MAP4K4: variants seen among roughly 807,000 people sequenced by gnomAD.
MAP4K4 encodes HPK/GCK-like kinase HGK.
MAP4K4 carries 38 observed loss-of-function variants against 189.6 expected under a neutral mutation model. That is an observed-to-expected ratio of 0.20 (90% confidence interval 0.15 to 0.26). The LOEUF is 0.26. Among genes scored for constraint, MAP4K4 ranks in the 10% least tolerant of loss-of-function variants. MAP4K4 has a pLI of 1.00. For missense variants in MAP4K4, 1,054 were observed against 1,726.9 expected (o/e 0.61, Z 6.91); for synonymous variants, 610 against 624.3 (o/e 0.98, Z 0.34).
intron 8 of MAP4K4, 82 bp downstream of exon 8, chr2:101,834,545 C>A: frequency 1.9e-6 from 2 of 1,080,618 alleles, no homozygotes; most frequent in Non-Finnish European, 2.8e-6. Flanking sequence ...AACAGCTCAG[C>A]TCCATGGATA....
At chr2:101,879,676 A>G (rs558839293) in intron 27 of MAP4K4, among the ~76,000 whole-genome samples, 1 of 152,352 alleles carries the variant, frequency 6.6e-6, no homozygotes, top group South Asian at 2.1e-4. Flanking sequence ...GACATGGAAC[A>G]TTGCCAGCAC....
chr2:101,863,761 C>A, intron 16 of MAP4K4, 60 bp from the exon 17 acceptor site: 1 of 1,194,824 alleles, frequency 8.4e-7, no homozygotes, highest in Non-Finnish European at 1.2e-6. Context: ...TTGGTATTGA[C>A]CAGAAAAGCC....
At position 101,797,257 on chromosome 2, in the gene MAP4K4, C is replaced by T. The variant is rs186828331; in HGVS notation, c.180+6481C>T. 70 of 1,290,606 alleles carry T rather than the reference C, an allele frequency of 5.4e-5. No individual in the cohort carries two copies. The African/African-American group carries it at 1.0e-3, about 19-fold the overall frequency. 79.9% of individuals were successfully genotyped at this position (1,290,606 alleles called of 1,614,324 possible). ...TTCTATTCTGTTATTCCTCAGAGGC[C>T]AGCTAAATGCTACAGGCCTTACAGC... is the stretch of plus-strand genomic sequence containing the variant. On this transcript the variant is annotated intron_variant, in intron 3 of 32. Transcript: ENST00000324219.
chr2:101,711,309 G>C (rs1019031078), intron 2 of MAP4K4, among the ~76,000 whole-genome samples: 3 of 151,750 alleles, frequency 2.0e-5, no homozygotes, highest in Admixed American at 2.0e-4. Context: ...AAGTTTTTTT[G>C]CTTTTTTTTT....
chr2:101,857,749 A>G (rs1408998300), intron 13 of MAP4K4, among the ~76,000 whole-genome samples: 1 of 151,710 alleles, frequency 6.6e-6, no homozygotes, highest in Non-Finnish European at 1.5e-5. Context: ...TTTTTGGCTC[A>G]GTTTTCTTTG....
chr2:101,791,756 G>C (rs1397346379), intron 3 of MAP4K4, among the ~76,000 whole-genome samples: 1 of 152,180 alleles, frequency 6.6e-6, no homozygotes, highest in African/African-American at 2.4e-5. Flanking sequence ...GTCATCTTCA[G>C]CATGGGTATT....
intron 2 of MAP4K4, among the ~76,000 whole-genome samples, chr2:101,737,226 T>G (rs2060589804): frequency 6.6e-6 from 1 of 151,848 alleles, no homozygotes; most frequent in South Asian, 2.1e-4. Context: ...GGGTGTGTGG[T>G]TTCTGGGAGA....
chr2:101,870,189 C>G, intron 22 of MAP4K4, 106 bp from the exon 23 acceptor site: 1 of 1,160,032 alleles, frequency 8.6e-7, no homozygotes, highest in Non-Finnish European at 1.2e-6. Flanking sequence ...GGCTTTATAT[C>G]GGTAGCCTCA....
At chr2:101,877,196 T>C (rs750424790) in intron 27 of MAP4K4, 50 bp downstream of exon 27, 24 of 1,595,760 alleles carry the variant, frequency 1.5e-5, no homozygotes, top group Non-Finnish European at 2.1e-5. Context: ...CTTAACAATA[T>C]TGTAGCTTTA....
At chr2:101,828,299 G>A (rs1331663059) in intron 5 of MAP4K4, among the ~76,000 whole-genome samples, 1 of 152,158 alleles carries the variant, frequency 6.6e-6, no homozygotes, top group Non-Finnish European at 1.5e-5. Flanking sequence ...AATAGAAATA[G>A]GAATTACGAA....
chr2:101,756,956 G>A (rs1358302258), intron 2 of MAP4K4, among the ~76,000 whole-genome samples: 1 of 152,080 alleles, frequency 6.6e-6, no homozygotes, highest in African/African-American at 2.4e-5. Flanking sequence ...GTATTTATTG[G>A]GAGTTGTGTT....
At chr2:101,717,396 G>A (rs117667212) in intron 2 of MAP4K4, among the ~76,000 whole-genome samples, 1 of 152,194 alleles carries the variant, frequency 6.6e-6, no homozygotes, top group East Asian at 1.9e-4. Context: ...GGAAGATGAC[G>A]TTTGAAGATG....
chr2:101,767,559 C>T (rs956894963), intron 2 of MAP4K4, among the ~76,000 whole-genome samples: 2 of 152,092 alleles, frequency 1.3e-5, no homozygotes, highest in South Asian at 4.1e-4. Context: ...TCCAGAGTGG[C>T]CTTGCCTTTT....
intron 2 of MAP4K4, among the ~76,000 whole-genome samples, chr2:101,747,094 G>C (rs2066005725): frequency 6.6e-6 from 1 of 152,040 alleles, no homozygotes; most frequent in African/African-American, 2.4e-5. Context: ...TCCTGTGACT[G>C]CTTTTGTGTC....
At chr2:101,881,746 G>T (rs1434900744) in intron 27 of MAP4K4, among the ~76,000 whole-genome samples, 2 of 151,954 alleles carry the variant, frequency 1.3e-5, no homozygotes, top group African/African-American at 2.4e-5. Flanking sequence ...GTAGGTATTG[G>T]GTTTTGTCAA....
chr2:101,820,074 ACT>A (rs2095952667), intron 3 of MAP4K4, among the ~76,000 whole-genome samples: 1 of 152,070 alleles, frequency 6.6e-6, no homozygotes, highest in Non-Finnish European at 1.5e-5. Flanking sequence ...AGTGCTCTTG[ACT>A]CTTTCTTGTA....
intron 2 of MAP4K4, among the ~76,000 whole-genome samples, chr2:101,763,195 C>T (rs1380237985): frequency 1.3e-5 from 2 of 152,168 alleles, no homozygotes; most frequent in African/African-American, 2.4e-5. Flanking sequence ...ACAGAAGAAT[C>T]CGGTGAGACT....
intron 26 of MAP4K4, among the ~76,000 whole-genome samples, chr2:101,876,520 A>T (rs947959511): frequency 1.3e-5 from 2 of 152,234 alleles, no homozygotes; most frequent in African/African-American, 4.8e-5. Context: ...TGGAAGCCGA[A>T]TCATAAGCTG....
At chr2:101,850,171 A>G (rs2097237155) in intron 12 of MAP4K4, among the ~76,000 whole-genome samples, 2 of 152,186 alleles carry the variant, frequency 1.3e-5, no homozygotes, top group African/African-American at 2.4e-5. Context: ...CCAAGAGGAC[A>G]CAGAGTAACA....
Sources: allele counts gnomAD v4.1 joint callset (sites outside exome capture counted in the v4.1 genomes callset), GRCh38; gene constraint gnomAD v4.1.1; transcripts MANE v1.5; gene names NCBI Gene and HGNC (gene_info 2026-07-23, HGNC 2026-07-21).